Variants in COL14A1 observed in about 807,000 individuals in gnomAD.
The protein encoded by COL14A1 is collagen alpha-1(XIV) chain.
COL14A1 carries 136 observed loss-of-function variants against 230.3 expected under a neutral mutation model. The ratio of observed to expected loss-of-function variants is 0.59; its 90% CI spans 0.51 to 0.68. COL14A1 has a LOEUF of 0.68. Ranked by LOEUF, COL14A1 falls within the 30% of genes least tolerant of loss-of-function variation. The pLI is 0.00. For missense variants in COL14A1, 1,976 were observed against 2,215.8 expected (o/e 0.89, Z 2.17); for synonymous variants, 792 against 784.1 (o/e 1.01, Z -0.17).
Position 120,361,843 on chromosome 8 carries a change from A to T in COL14A1, c.5078-5328A>T, listed in dbSNP as rs566121584. On this transcript the variant is annotated intron_variant, in intron 45 of 47. Coordinates refer to ENST00000297848, the MANE Select transcript of COL14A1 (RefSeq NM_021110.4). ...CCATAAAAATGAATAAAATCTCCCA[A>T]CTCAGAGGCCAACAGGCCAAAGAAA... Among the ~76,000 whole-genome samples, 22 of 152,202 alleles carry T rather than the reference A, an allele frequency of 1.4e-4. No individual in the cohort carries two copies. The South Asian group carries it at 4.6e-3, about 32-fold the overall frequency.
At chr8:120,170,395 T>C (rs1426492429) in intron 5 of COL14A1, among the ~76,000 whole-genome samples, 3 of 152,084 alleles carry the variant, frequency 2.0e-5, no homozygotes, top group African/African-American at 7.2e-5. Context: ...TTTTCTTCCT[T>C]GATCCATGAG....
chr8:120,192,875 G>GTGA (rs1816876759), intron 5 of COL14A1, among the ~76,000 whole-genome samples: 1 of 151,990 alleles, frequency 6.6e-6, no homozygotes, highest in African/African-American at 2.4e-5. Context: ...CGTAGTTCTC[G>GTGA]AGCCTTGGCT....
At chr8:120,339,044 C>T (rs573759310) in intron 42 of COL14A1, among the ~76,000 whole-genome samples, 1 of 152,158 alleles carries the variant, frequency 6.6e-6, no homozygotes, top group East Asian at 1.9e-4. Context: ...TATGATGGAA[C>T]GCCTCCCAGG....
intron 1 of COL14A1, among the ~76,000 whole-genome samples, chr8:120,128,203 ACG>A (rs1814407070): frequency 7.1e-6 from 1 of 140,696 alleles, no homozygotes. Flanking sequence ...TGTTCCTGTG[ACG>A]TGTGTGTGTG....
chr8:120,141,337 G>A (rs926618555), intron 1 of COL14A1, among the ~76,000 whole-genome samples: 2 of 152,238 alleles, frequency 1.3e-5, no homozygotes, highest in Middle Eastern at 6.8e-3. Context: ...GAGCCCAGGA[G>A]TTCGAGACTA....
At chr8:120,250,471 A>G (rs1818901035) in intron 21 of COL14A1, 146 bp from the exon 22 acceptor site, 4 of 804,242 alleles carry the variant, frequency 5.0e-6, no homozygotes, top group Non-Finnish European at 8.1e-6. Flanking sequence ...GCTAGATGAG[A>G]CCAGATTCAA....
intron 42 of COL14A1, among the ~76,000 whole-genome samples, chr8:120,341,044 T>C (rs193166583): frequency 8.8e-4 from 134 of 152,302 alleles, no homozygotes; most frequent in African/African-American, 3.1e-3. Context: ...AGTGAAAATA[T>C]GTGTTACAAA....
intron 4 of COL14A1, 78 bp downstream of exon 4, chr8:120,162,647 A>G: frequency 7.9e-7 from 1 of 1,265,636 alleles, no homozygotes; most frequent in South Asian, 2.2e-5. Context: ...TATATATTCT[A>G]CAACTTAAAA....
intron 40 of COL14A1, among the ~76,000 whole-genome samples, chr8:120,328,887 A>G (rs1443091019): frequency 6.6e-6 from 1 of 152,120 alleles, no homozygotes; most frequent in African/African-American, 2.4e-5. Context: ...GACACAGCCG[A>G]GCAGAGACTT....
In COL14A1 at chr8:120,197,989, C is replaced by G. The variant is rs772185637; in HGVS notation, c.712+59C>G. On this transcript the variant is annotated intron_variant, in intron 7 of 47. Coordinates refer to ENST00000297848, the MANE Select transcript of COL14A1 (RefSeq NM_021110.4). ...ATCTTTTTGAAGAATAATTGTATTACCTCATTTTGCCACTTTGTAAGCGTT... is the reference window on the plus strand; with the variant it reads ...ATCTTTTTGAAGAATAATTGTATTAGCTCATTTTGCCACTTTGTAAGCGTT... The G allele has an allele frequency of 2.0e-6, 3 of 1,526,252 alleles. No homozygotes were observed. In the Admixed American group the frequency reaches 5.3e-5, roughly 27 times the overall value. 94.5% of individuals were successfully genotyped at this position (1,526,252 alleles called of 1,614,324 possible). A position where few individuals can be genotyped will look rare whatever the true frequency, so the allele number is the denominator to read the frequency against.
At chr8:120,258,380 C>A (rs370197686) in intron 23 of COL14A1, among the ~76,000 whole-genome samples, 144 of 152,250 alleles carry the variant, frequency 9.5e-4, no homozygotes, top group African/African-American at 3.4e-3. Context: ...GTCATATTGG[C>A]CTGGTTTGGG....
At chr8:120,328,620 A>G (rs1821766611) in intron 40 of COL14A1, among the ~76,000 whole-genome samples, 1 of 152,198 alleles carries the variant, frequency 6.6e-6, no homozygotes, top group Non-Finnish European at 1.5e-5. Flanking sequence ...TCATCCTTCC[A>G]GATGATATGC....
At chr8:120,344,044 G>A (rs1225595111) in intron 44 of COL14A1, among the ~76,000 whole-genome samples, 4 of 152,052 alleles carry the variant, frequency 2.6e-5, no homozygotes, top group South Asian at 2.1e-4. Context: ...TTCTCCTTAC[G>A]AATTCTCAGA....
chr8:120,245,318 A>G (rs1258432387), intron 20 of COL14A1, among the ~76,000 whole-genome samples: 3 of 152,192 alleles, frequency 2.0e-5, no homozygotes, highest in African/African-American at 7.2e-5. Flanking sequence ...GCAAAGTATC[A>G]TGAGAGCCTG....
intron 1 of COL14A1, among the ~76,000 whole-genome samples, chr8:120,130,621 T>C (rs1346378503): frequency 2.0e-5 from 3 of 152,196 alleles, no homozygotes; most frequent in African/African-American, 7.2e-5. Context: ...AAATGTAAAA[T>C]GGAAACATCA....
At position 120,216,509 on chromosome 8, in the gene COL14A1, T is replaced by C. The variant is rs1352322898; in HGVS notation, c.1737+19T>C. The stretch of plus-strand genomic sequence containing the variant: ...CAATGAGGTAAGTTCCGGGACATAA[T>C]GTATATTTTTTAGGTAGTGGCGTGC... On this transcript the variant is annotated intron_variant, in intron 14 of 47. Transcript: ENST00000297848. 3 of 1,599,356 alleles carry C rather than the reference T, an allele frequency of 1.9e-6. No individual in the cohort carries two copies. In the African/African-American group the frequency reaches 4.0e-5, roughly 22 times the overall value.
chr8:120,153,024 A>G (rs1815341771), intron 2 of COL14A1, among the ~76,000 whole-genome samples: 1 of 152,140 alleles, frequency 6.6e-6, no homozygotes, highest in Non-Finnish European at 1.5e-5. Flanking sequence ...CATCTTTATA[A>G]TGGATCATGA....
chr8:120,339,509 T>C (rs1426646744), intron 42 of COL14A1, among the ~76,000 whole-genome samples: 1 of 152,138 alleles, frequency 6.6e-6, no homozygotes, highest in Non-Finnish European at 1.5e-5. Context: ...ATAACGACCA[T>C]ATCATGAGAG....
At chr8:120,218,435 G>A (rs1037192142) in intron 14 of COL14A1, among the ~76,000 whole-genome samples, 1 of 151,572 alleles carries the variant, frequency 6.6e-6, no homozygotes, top group Non-Finnish European at 1.5e-5. Flanking sequence ...TCAGCCTCCT[G>A]AGTAGCTGGG....
Sources: allele counts gnomAD v4.1 joint callset (sites outside exome capture counted in the v4.1 genomes callset), GRCh38; gene constraint gnomAD v4.1.1; transcripts MANE v1.5; gene names NCBI Gene and HGNC (gene_info 2026-07-23, HGNC 2026-07-21).